Variants in ACAT1 observed in about 807,000 individuals in gnomAD.
ACAT1 encodes the protein acetyl-CoA acetyltransferase 1, also known as acetyl-CoA acetyltransferase, mitochondrial.
ACAT1 carries 28 observed loss-of-function variants against 47.3 expected under a neutral mutation model. The observed-to-expected ratio is 0.59, with a 90% CI of 0.44 to 0.81. The LOEUF is 0.81. ACAT1 is among the 30% of genes least tolerant of loss of function. ACAT1 has a pLI of 0.00. For synonymous variants in ACAT1, 181 were observed against 173.6 expected (o/e 1.04, Z -0.34); for missense variants, 469 against 524.3 (o/e 0.89, Z 1.03).
chr11:108,142,650 A>AAT lies in ACAT1; in HGVS notation c.940+104_940+105dup. ...CCCGGAGTTCGAAATCAGCCTGGGC[A>AAT]ATATAGTGAGACTTCGTCTCTACAA... On this transcript the variant is annotated intron_variant, in intron 9 of 11. Coordinates refer to ENST00000265838, the MANE Select transcript of ACAT1 (RefSeq NM_000019.4). 4 of 917,806 alleles carry AAT rather than the reference A, an allele frequency of 4.4e-6. No individual in the cohort carries two copies. In the Admixed American group the frequency reaches 7.7e-5, roughly 18 times the overall value. 56.9% of individuals were successfully genotyped at this position (917,806 alleles called of 1,614,324 possible).
chr11:108,139,274 T>C, intron 6 of ACAT1: 1 of 518,788 alleles, frequency 1.9e-6, no homozygotes, highest in Non-Finnish European at 3.5e-6. Context: ...GGCAACTGCT[T>C]GGCTAATTCA....
At chr11:108,141,901 A>T (rs758663364) in intron 8 of ACAT1, among the ~76,000 whole-genome samples, 1 of 152,224 alleles carries the variant, frequency 6.6e-6, no homozygotes, top group Admixed American at 6.5e-5. Context: ...GTATAACATG[A>T]CTATAGAATT....
chr11:108,123,572 T>C (rs2077189526), intron 1 of ACAT1, among the ~76,000 whole-genome samples: 1 of 152,236 alleles, frequency 6.6e-6, no homozygotes. Context: ...AGGAGTGGTC[T>C]TTACTCATTA....
rs2077416594 is a variant in ACAT1 at position 108,134,199 on chromosome 11, ACT to A, written c.239-21_239-20del. 1 of 1,450,534 alleles carries A rather than the reference ACT, an allele frequency of 6.9e-7. No homozygotes were observed. The highest frequency in any genetic ancestry group is 9.6e-7 in the Non-Finnish European group (1 of 1,038,822). The allele number at this position is 1,450,534 out of a possible 1,614,324, so 89.9% of individuals were successfully genotyped here. On this transcript the variant is annotated intron_variant, in intron 3 of 11. Coordinates refer to ENST00000265838, the MANE Select transcript of ACAT1 (RefSeq NM_000019.4). The stretch of plus-strand genomic sequence containing the variant: ...TTAAATTGAATTAAATGCCTTTTTG[ACT>A]TTTTTTTTTTTTAATAAAGGGATTC...
upstream of ACAT1, among the ~76,000 whole-genome samples, chr11:108,117,589 A>C (rs1286234655): frequency 3.9e-5 from 6 of 152,052 alleles, no homozygotes; most frequent in African/African-American, 1.4e-4. Context: ...AATTACAGGC[A>C]TGAGCCACCA....
intron 8 of ACAT1, 65 bp downstream of exon 8, chr11:108,141,765 T>G: frequency 3.7e-6 from 4 of 1,072,978 alleles, no homozygotes; most frequent in Non-Finnish European, 4.1e-6. Flanking sequence ...GTTCTTAGAA[T>G]TGCCTAAGGA....
chr11:108,135,515 G>A (rs1202489396), intron 5 of ACAT1, among the ~76,000 whole-genome samples: 3 of 151,530 alleles, frequency 2.0e-5, no homozygotes, highest in Non-Finnish European at 4.4e-5. Context: ...CATAGCAAGC[G>A]AGACTCTGCT....
At chr11:108,117,110 C>T (rs1483639147), upstream of ACAT1, among the ~76,000 whole-genome samples, 1 of 151,974 alleles carries the variant, frequency 6.6e-6, no homozygotes, top group Non-Finnish European at 1.5e-5. Context: ...CCTAGATTGC[C>T]TTGAAGAGAA....
chr11:108,121,428 C>A, upstream of ACAT1: 1 of 693,044 alleles, frequency 1.4e-6, no homozygotes, highest in Non-Finnish European at 2.5e-6. Flanking sequence ...GCCCAGGCTG[C>A]GGTGTCCCAG....
intron 1 of ACAT1, among the ~76,000 whole-genome samples, chr11:108,131,376 C>G (rs2077356845): frequency 1.4e-4 from 1 of 7,026 alleles, no homozygotes; most frequent in South Asian, 4.7e-3. Context: ...TTTTTTTAGA[C>G]AGTCTTGCTT....
chr11:108,141,886 G>T lies in ACAT1; in HGVS notation c.826+186G>T, dbSNP rs118025250. 8.4e-3 allele frequency among the ~76,000 whole-genome samples: 1,274 copies of T among 152,180 alleles called. 5 individuals are homozygous for T. Among genetic ancestry groups the T allele is most frequent in the Non-Finnish European group, 0.012 (795 of 68,008 alleles). On this transcript the variant is annotated intron_variant, in intron 8 of 11. Coordinates refer to ENST00000265838, the MANE Select transcript of ACAT1 (RefSeq NM_000019.4). ...CCTTCAATATATAAATCCCAGGGAA[G>T]ATATGTATAACATGACTATAGAATT...
chr11:108,124,483 G>A (rs1000728955), intron 1 of ACAT1, among the ~76,000 whole-genome samples: 1 of 152,000 alleles, frequency 6.6e-6, no homozygotes, highest in African/African-American at 2.4e-5. Context: ...GGATGGGCTC[G>A]AACTCCTGAC....
At chr11:108,117,328 G>C (rs1211581379), upstream of ACAT1, among the ~76,000 whole-genome samples, 5 of 144,816 alleles carry the variant, frequency 3.5e-5, no homozygotes, top group Non-Finnish European at 6.0e-5. Flanking sequence ...TTTTTTTGGA[G>C]ACAGAGTTTT....
intron 5 of ACAT1, among the ~76,000 whole-genome samples, chr11:108,137,982 A>G (rs2077498111): frequency 6.6e-6 from 1 of 151,920 alleles, no homozygotes; most frequent in Non-Finnish European, 1.5e-5. Context: ...GTTTTACATG[A>G]AAGATTTCTG....
chr11:108,147,329 G>T lies in ACAT1; in HGVS notation c.1223G>T (p.Gly408Val), dbSNP rs1131691780. The T allele has an allele frequency of 1.2e-6, 2 of 1,613,990 alleles. No homozygotes were observed. Among genetic ancestry groups the T allele is most frequent in the Non-Finnish European group, 1.7e-6 (2 of 1,179,944 alleles). ...LTHALKQGEY[G>V]LASICNGGGG... ...CATGCCTTGAAGCAAGGAGAATACG[G>T]TCTTGCCAGTATTTGCAATGGAGGA... Residue 408 changes from glycine to valine, a missense_variant, in exon 12 of 12, where the codon GGT becomes GTT. Gly to Val is a moderately radical substitution (Grantham distance 109). Transcript: ENST00000265838.
intron 8 of ACAT1, 85 bp downstream of exon 8, chr11:108,141,785 A>AG: frequency 2.1e-6 from 2 of 950,618 alleles, no homozygotes; most frequent in Admixed American, 2.0e-5. Context: ...ATTTTGAAAA[A>AG]TTCTAGAAAA....
chr11:108,147,282 C>G lies in ACAT1; in HGVS notation c.1176C>G (p.Ala392=). The G allele has an allele frequency of 6.2e-7, 1 of 1,613,854 alleles. No homozygotes were observed. Among genetic ancestry groups the G allele is most frequent in the Non-Finnish European group, 8.5e-7 (1 of 1,179,898 alleles). Residue 392 remains alanine (A), a synonymous_variant, in exon 12 of 12, where the codon GCC becomes GCG. Transcript: ENST00000265838. ...TTCTTAATTTTAGGATGTCTGGAGC[C>G]AGGATTGTTGGTCATTTGACTCATG... ...SLGHPIGMSG[A]RIVGHLTHAL... is the part of the protein sequence containing the mutation.
At chr11:108,140,004 G>T in intron 6 of ACAT1, 61 bp from the exon 7 acceptor site, 1 of 1,546,876 alleles carries the variant, frequency 6.5e-7, no homozygotes, top group Non-Finnish European at 8.8e-7. Context: ...GTTAGGCAAA[G>T]TTAATAGATA....
At chr11:108,121,416 T>C (rs1316613569), upstream of ACAT1, 7 of 660,686 alleles carry the variant, frequency 1.1e-5, no homozygotes, top group Non-Finnish European at 1.9e-5. Context: ...CAACCTTTCC[T>C]GGCCCAGGCT....
Sources: gnomAD v4.1 joint callset for allele counts (sites outside exome capture counted in the v4.1 genomes callset) on GRCh38, gnomAD v4.1.1 for gene constraint, MANE v1.5 for transcripts, NCBI Gene and HGNC (gene_info 2026-07-23, HGNC 2026-07-21) for gene names.